Variants in RBFOX2 observed in about 807,000 individuals in gnomAD.
RBFOX2 encodes RNA binding fox-1 homolog 2.
A neutral mutation model predicts 49.1 loss-of-function variants in RBFOX2; 10 were observed. The observed-to-expected ratio is 0.20, with a 90% CI of 0.13 to 0.35. The LOEUF is 0.35. RBFOX2 is among the 10% of genes least tolerant of loss of function. The pLI is 1.00. For missense variants in RBFOX2, 323 were observed against 486.9 expected (o/e 0.66, Z 3.17); for synonymous variants, 183 against 187.4 (o/e 0.98, Z 0.19).
intron 1 of RBFOX2, among the ~76,000 whole-genome samples, chr22:35,817,262 G>C (rs1462639294): frequency 6.6e-6 from 1 of 152,042 alleles, no homozygotes; most frequent in African/African-American, 2.4e-5. Context: ...CAGATCACAT[G>C]AGGTCAGGAG....
Position 35,756,155 on chromosome 22 carries a change from T to C in RBFOX2, c.887+3733A>G. ...TCCTGGTAAACCACACTGCAGAAAA[T>C]CCACACAAAAACAAAAACAAAAAAA... is the stretch of plus-strand genomic sequence containing the variant. On this transcript the variant is annotated intron_variant, in intron 9 of 11. Coordinates refer to ENST00000405409, the Ensembl canonical transcript of RBFOX2. The C allele has an allele frequency of 6.7e-7, 1 of 1,491,110 alleles. No individual in the cohort carries two copies. The highest frequency in any genetic ancestry group is 9.0e-7 in the Non-Finnish European group (1 of 1,112,298). 92.4% of individuals were successfully genotyped at this position (1,491,110 alleles called of 1,614,324 possible).
At chr22:35,934,191 A>G (rs2052777938) in intron 1 of RBFOX2, among the ~76,000 whole-genome samples, 1 of 151,636 alleles carries the variant, frequency 6.6e-6, no homozygotes, top group African/African-American at 2.4e-5. Flanking sequence ...ATTAGAACTC[A>G]CAGATGATGC....
chr22:35,838,713 CA>C (rs1014572545), intron 1 of RBFOX2, among the ~76,000 whole-genome samples: 7 of 152,148 alleles, frequency 4.6e-5, no homozygotes, highest in African/African-American at 1.7e-4. Flanking sequence ...AGCAGTATTT[CA>C]AAAGAGGTAA....
At chr22:35,833,065 T>C (rs766966299) in intron 1 of RBFOX2, among the ~76,000 whole-genome samples, 1 of 152,204 alleles carries the variant, frequency 6.6e-6, no homozygotes, top group Non-Finnish European at 1.5e-5. Flanking sequence ...TAAATATGTA[T>C]AATTATGCAT....
At chr22:35,743,623 T>A (rs1040204589) in exon 12 of RBFOX2, 1 of 152,554 alleles carries the variant, frequency 6.6e-6, no homozygotes, top group Non-Finnish European at 1.5e-5. Flanking sequence ...AGCGTCTTTT[T>A]AATTCTCCTG....
At chr22:36,026,267 A>T (rs1407982825) in intron 1 of RBFOX2, among the ~76,000 whole-genome samples, 1 of 152,018 alleles carries the variant, frequency 6.6e-6, no homozygotes, top group Non-Finnish European at 1.5e-5. Flanking sequence ...AAAAAAAAAA[A>T]AAGAGAATGT....
At chr22:35,942,322 A>G (rs753413832), upstream of RBFOX2, among the ~76,000 whole-genome samples, 1 of 152,188 alleles carries the variant, frequency 6.6e-6, no homozygotes, top group Non-Finnish European at 1.5e-5. Context: ...TAGGAATATA[A>G]GTATATTGGG....
chr22:35,744,860 G>T (rs538560826), intron 11 of RBFOX2, among the ~76,000 whole-genome samples: 1 of 152,234 alleles, frequency 6.6e-6, no homozygotes, highest in Admixed American at 6.5e-5. Context: ...ATTCCTTTAT[G>T]TTTATCAAAT....
chr22:35,954,325 A>G (rs2055304384), intron 1 of RBFOX2, among the ~76,000 whole-genome samples: 1 of 152,224 alleles, frequency 6.6e-6, no homozygotes, highest in African/African-American at 2.4e-5. Flanking sequence ...AGCTCTTAAC[A>G]CAGAATTCAG....
intron 1 of RBFOX2, chr22:35,997,667 G>A (rs1205835793): frequency 6.6e-6 from 1 of 152,206 alleles, no homozygotes; most frequent in Non-Finnish European, 1.5e-5. Context: ...CAAGGCCAAA[G>A]GAACACTTCC....
chr22:35,938,826 T>C (rs1489404565), intron 1 of RBFOX2, 21 bp downstream of exon 2: 1 of 1,604,196 alleles, frequency 6.2e-7, no homozygotes, highest in African/African-American at 1.3e-5. Flanking sequence ...ATCATCTGAG[T>C]TACAAACAGC....
At chr22:35,997,128 C>G (rs548233471) in intron 1 of RBFOX2, 1 of 152,332 alleles carries the variant, frequency 6.6e-6, no homozygotes, top group East Asian at 1.9e-4. Flanking sequence ...AAGCATTCTC[C>G]TCTACCTGGT....
At chr22:35,993,997 A>C (rs2058082565) in intron 1 of RBFOX2, 1 of 152,146 alleles carries the variant, frequency 6.6e-6, no homozygotes. Context: ...AAAACAAAAA[A>C]ACAAACAAAA....
chr22:35,854,597 A>G (rs78941305), intron 1 of RBFOX2, among the ~76,000 whole-genome samples: 12 of 146,698 alleles, frequency 8.2e-5, no homozygotes, highest in African/African-American at 3.0e-4. Flanking sequence ...CTGTCTCTTG[A>G]AAAAAAAAAA....
intron 1 of RBFOX2, among the ~76,000 whole-genome samples, chr22:35,925,461 G>A (rs1049290284): frequency 6.6e-5 from 10 of 152,124 alleles, no homozygotes; most frequent in Admixed American, 1.3e-4. Flanking sequence ...TTGAGCCCAG[G>A]AGTTCGAGGC....
At chr22:35,958,549 A>C (rs2055850564) in intron 1 of RBFOX2, among the ~76,000 whole-genome samples, 1 of 151,952 alleles carries the variant, frequency 6.6e-6, no homozygotes, top group Non-Finnish European at 1.5e-5. Flanking sequence ...TCTGACCTAG[A>C]CTCTCTGCCA....
chr22:35,992,589 C>T (rs2058028512), intron 1 of RBFOX2: 1 of 152,154 alleles, frequency 6.6e-6, no homozygotes, highest in South Asian at 2.1e-4. Flanking sequence ...ATTCTTGAAC[C>T]CTCTCATAAC....
chr22:35,984,000 C>T (rs1358603527), intron 1 of RBFOX2, among the ~76,000 whole-genome samples: 4 of 152,156 alleles, frequency 2.6e-5, no homozygotes, highest in African/African-American at 9.7e-5. Flanking sequence ...TAGCTCTCCT[C>T]TTCCACTCAG....
chr22:35,753,941 C>T (rs1452465394), intron 9 of RBFOX2, among the ~76,000 whole-genome samples: 1 of 151,816 alleles, frequency 6.6e-6, no homozygotes, highest in Non-Finnish European at 1.5e-5. Context: ...TGCCACCACG[C>T]CTGGCTAATT....
Sources: gnomAD v4.1 joint callset for allele counts (sites outside exome capture counted in the v4.1 genomes callset) on GRCh38, gnomAD v4.1.1 for gene constraint, MANE v1.5 for transcripts, NCBI Gene and HGNC (gene_info 2026-07-23, HGNC 2026-07-21) for gene names.